The following SRGAP3 variants were observed in gnomAD, a reference collection of about 807,000 sequenced individuals.
SRGAP3 encodes SLIT-ROBO Rho GTPase-activating protein 3.
In SRGAP3, 39 loss-of-function variants were observed where a neutral mutation model predicts 121.1. The observed-to-expected ratio is 0.32, with a 90% CI of 0.25 to 0.42. The LOEUF is 0.42. Ranked by LOEUF, SRGAP3 falls within the 10% of genes least tolerant of loss-of-function variation. The pLI, the probability that SRGAP3 is intolerant of heterozygous loss-of-function variation, is 1.00. For synonymous variants in SRGAP3, 601 were observed against 570.0 expected, an observed-to-expected ratio of 1.05 and a Z score of -0.77; for missense variants, 1,213 against 1,470.6, an observed-to-expected ratio of 0.82 and a Z score of 2.86.
At position 9,213,715 on chromosome 3, in the gene SRGAP3, C is replaced by CCT. The variant is rs540633454; in HGVS notation, c.67+35169_67+35170insAG. ...AATAAAATACGAACTCTTAACAGGG[C>CCT]CCACAAGGCCCTCCATGACCATGAT... On this transcript the variant is annotated intron_variant, in intron 1 of 21. Coordinates refer to ENST00000383836, the MANE Select transcript of SRGAP3 (RefSeq NM_014850.4). Among the ~76,000 whole-genome samples, 6 of 152,230 alleles carry CCT rather than the reference C, an allele frequency of 3.9e-5. No homozygotes were observed. The South Asian group carries it at 1.2e-3, about 32-fold the overall frequency.
chr3:9,123,179 G>A (rs1353983553), intron 2 of SRGAP3, among the ~76,000 whole-genome samples: 1 of 152,138 alleles, frequency 6.6e-6, no homozygotes, highest in Non-Finnish European at 1.5e-5. Flanking sequence ...GCAGCTGGAA[G>A]GCGTGGCAGG....
chr3:9,203,976 C>A (rs1952169278), intron 1 of SRGAP3, among the ~76,000 whole-genome samples: 2 of 152,122 alleles, frequency 1.3e-5, no homozygotes, highest in South Asian at 4.1e-4. Flanking sequence ...CTGGCCCATT[C>A]CCCCACGCCC....
intron 7 of SRGAP3, among the ~76,000 whole-genome samples, chr3:9,057,050 TTTTG>T (rs1206048868): frequency 2.6e-5 from 4 of 152,262 alleles, no homozygotes; most frequent in African/African-American, 4.8e-5. Context: ...CCCAGCTATT[TTTTG>T]TTTATTTGCT....
intron 1 of SRGAP3, among the ~76,000 whole-genome samples, chr3:9,247,049 A>G (rs1161585478): frequency 6.6e-6 from 1 of 152,208 alleles, no homozygotes; most frequent in Non-Finnish European, 1.5e-5. Context: ...CCAAAATGAG[A>G]TAAGCACATT....
At chr3:9,291,385 A>C (rs1954866131) in intron 3 of SRGAP3, among the ~76,000 whole-genome samples, 1 of 152,194 alleles carries the variant, frequency 6.6e-6, no homozygotes, top group Non-Finnish European at 1.5e-5. Flanking sequence ...AACTGGCACA[A>C]AGTACCATGT....
intron 3 of SRGAP3, among the ~76,000 whole-genome samples, chr3:9,267,019 AT>A (rs1954380465): frequency 6.6e-6 from 1 of 152,164 alleles, no homozygotes; most frequent in African/African-American, 2.4e-5. Flanking sequence ...TTTGGACCCA[AT>A]CTCTTTTAGG....
chr3:9,363,013 G>T (rs113421389), exon 1 of SRGAP3: 23 of 152,394 alleles, frequency 1.5e-4, no homozygotes, highest in African/African-American at 5.1e-4. Context: ...CGCCAGCGCG[G>T]AGCCACCGTG....
At chr3:9,118,259 C>T (rs1445119940) in intron 2 of SRGAP3, among the ~76,000 whole-genome samples, 2 of 152,340 alleles carry the variant, frequency 1.3e-5, no homozygotes, top group South Asian at 2.1e-4. Flanking sequence ...TCTCCTCCTC[C>T]TCTTCCTCTC....
At position 8,982,934 on chromosome 3, in the gene SRGAP3, C is replaced by A. The variant is rs1941496448; in HGVS notation, c.*2585G>T. Reference sequence around the variant, plus strand: ...AGGTCCATTTTCAGTAAGAAAAAAACAAAATCAGTCAATTCAGAGAAAAAT... The same window carrying A: ...AGGTCCATTTTCAGTAAGAAAAAAAAAAAATCAGTCAATTCAGAGAAAAAT... On this transcript the variant is annotated 3_prime_UTR_variant, in exon 22 of 22. Coordinates refer to ENST00000383836, the MANE Select transcript of SRGAP3 (RefSeq NM_014850.4). The A allele has an allele frequency of 4.4e-6, 1 of 226,548 alleles. No individual in the cohort carries two copies. Among genetic ancestry groups the A allele is most frequent in the Non-Finnish European group, 8.8e-6 (1 of 114,068 alleles). The allele number at this position is 226,548 out of a possible 1,614,324, so 14.0% of individuals were successfully genotyped here.
chr3:9,359,632 C>T (rs555199104), intron 1 of SRGAP3, among the ~76,000 whole-genome samples: 1 of 152,270 alleles, frequency 6.6e-6, no homozygotes, highest in Non-Finnish European at 1.5e-5. Context: ...GGAATAGATG[C>T]CTTACGACCA....
At chr3:9,325,967 A>T (rs1955511315) in intron 3 of SRGAP3, 1 of 151,942 alleles carries the variant, frequency 6.6e-6, no homozygotes, top group Non-Finnish European at 1.5e-5. Context: ...CACAACAAGG[A>T]TGCCATCTCC....
At chr3:9,294,546 CAAACAA>C (rs1313240597) in intron 3 of SRGAP3, among the ~76,000 whole-genome samples, 2 of 84,436 alleles carry the variant, frequency 2.4e-5, no homozygotes, top group South Asian at 3.5e-4. Context: ...AACAAACAAA[CAAACAA>C]AAAAAAACAC....
intron 2 of SRGAP3, among the ~76,000 whole-genome samples, chr3:9,326,428 A>G (rs113964079): frequency 0.016 from 2,367 of 151,950 alleles, 65 homozygotes; most frequent in African/African-American, 0.052. Context: ...TTGGTTTTAA[A>G]CTATTTCCAC....
At chr3:9,054,041 G>A (rs181052322) in intron 8 of SRGAP3, among the ~76,000 whole-genome samples, 201 of 152,280 alleles carry the variant, frequency 1.3e-3, no homozygotes, top group Admixed American at 2.1e-3. Flanking sequence ...TGGTCCCCCC[G>A]ATATCTTCAC....
intron 3 of SRGAP3, among the ~76,000 whole-genome samples, chr3:9,276,719 C>G (rs567047545): frequency 7.2e-5 from 11 of 152,360 alleles, no homozygotes; most frequent in Admixed American, 4.6e-4. Flanking sequence ...GCCACCGCAT[C>G]CAGCCGAATT....
intron 1 of SRGAP3, among the ~76,000 whole-genome samples, chr3:9,230,429 C>T (rs1231539925): frequency 6.6e-6 from 1 of 152,206 alleles, no homozygotes; most frequent in Non-Finnish European, 1.5e-5. Flanking sequence ...GAACAGGAGA[C>T]AGCCTTTTGG....
chr3:9,150,862 A>G (rs1454831121), intron 1 of SRGAP3, among the ~76,000 whole-genome samples: 1 of 152,234 alleles, frequency 6.6e-6, no homozygotes, highest in Non-Finnish European at 1.5e-5. Flanking sequence ...TGCAAGCCCC[A>G]GATCACATGC....
At chr3:9,046,497 G>T (rs902458800) in intron 10 of SRGAP3, among the ~76,000 whole-genome samples, 2 of 152,238 alleles carry the variant, frequency 1.3e-5, no homozygotes, top group African/African-American at 4.8e-5. Flanking sequence ...GCAGGCAGAA[G>T]CTAAGTGGTA....
At chr3:9,254,050 T>C (rs1021584481), upstream of SRGAP3, among the ~76,000 whole-genome samples, 1 of 152,050 alleles carries the variant, frequency 6.6e-6, no homozygotes, top group Non-Finnish European at 1.5e-5. Context: ...AAAAGCAAAG[T>C]CAAAGACCAA....
Sources: allele counts gnomAD v4.1 joint callset (sites outside exome capture counted in the v4.1 genomes callset), GRCh38; gene constraint gnomAD v4.1.1; transcripts MANE v1.5; gene names NCBI Gene and HGNC (gene_info 2026-07-23, HGNC 2026-07-21).